Variants in PLEC observed in about 807,000 individuals in gnomAD.
PLEC encodes the protein hemidesmosomal protein 1.
Under a neutral mutation model 392.8 loss-of-function variants are expected in PLEC, and 216 were observed. That is an observed-to-expected ratio of 0.55 (90% CI 0.49 to 0.62). The LOEUF (loss-of-function observed/expected upper bound fraction) is 0.62, where lower values mean the gene tolerates loss of function less well. Ranked by LOEUF, PLEC falls within the 20% of genes least tolerant of loss-of-function variation. The pLI is 0.00. For missense variants in PLEC, 6,863 were observed against 6,563.4 expected, an observed-to-expected ratio of 1.05 and a Z score of -1.58; for synonymous variants, 3,621 against 2,980.6, an observed-to-expected ratio of 1.21 and a Z score of -7.00.
rs782306391 is a variant in PLEC, at chr8:143,924,909, G to A, written c.5020C>T (p.Arg1674Trp). The stretch of plus-strand genomic sequence containing the variant: ...TGCTCCTCCGCCTTGCCGCGCCGCC[G>A]CGCCTCGCGCTCCGCCTCCTCCTTC... ...KQKEEAEREA[R>W]RRGKAEEQAV... The change falls in exon 31 of 32, where the codon CGG becomes TGG. Residue 1674 changes from arginine to tryptophan, a missense_variant. Physicochemically the swap from Arg to Trp is moderately radical, Grantham distance 101. Coordinates refer to ENST00000345136, the MANE Select transcript of PLEC (RefSeq NM_201384.3). 35 of 1,585,946 alleles carry A rather than the reference G, an allele frequency of 2.2e-5. No individual in the cohort carries two copies. Among genetic ancestry groups the A allele is most frequent in the Admixed American group, 2.2e-4 (13 of 59,092 alleles).
In PLEC at chr8:143,925,222, C is replaced by T. The variant is rs398123398; in HGVS notation, c.4707G>A (p.Thr1569=). The change falls in exon 31 of 32, where the codon ACG becomes ACA. Residue 1569 remains threonine, a synonymous_variant. Coordinates refer to ENST00000345136, the MANE Select transcript of PLEC (RefSeq NM_201384.3). ...RARQVQVALE[T]AQRSAEAELQ... ...GCTCCGCCTCTGCACTGCGCTGCGC[C>T]GTCTCCAGGGCCACCTGTACCTGCC... 1.3e-4 allele frequency: 213 copies of T among 1,588,512 alleles called. 1 individual carries two copies. Among genetic ancestry groups the T allele is most frequent in the Non-Finnish European group, 1.2e-4 (137 of 1,175,572 alleles).
Position 143,929,164 on chromosome 8 carries a change from G to C in PLEC, c.3199C>G (p.Leu1067Val). The stretch of plus-strand genomic sequence containing the variant: ...TCCAGCTTGCCCAGCGTCAGCTCCA[G>C]CTCCGAGCGCAGCGTGGGGGCCGCA... The part of the protein sequence containing the change: ...SPAAPTLRSE[L>V]ELTLGKLEQV... The change falls in exon 25 of 32, where the codon CTG becomes GTG. Residue 1067 changes from leucine to valine, a missense_variant. By Grantham distance (32) the Leu-to-Val change is conservative (BLOSUM62 1). Coordinates refer to ENST00000345136, the MANE Select transcript of PLEC (RefSeq NM_201384.3). 1.9e-6 allele frequency: 3 copies of C among 1,594,078 alleles called. No individual in the cohort carries two copies. Among genetic ancestry groups the C allele is most frequent in the Non-Finnish European group, 2.6e-6 (3 of 1,172,200 alleles).
chr8:143,955,848 C>T (rs756108688), upstream of PLEC, among the ~76,000 whole-genome samples: 36 of 152,124 alleles, frequency 2.4e-4, no homozygotes, highest in Non-Finnish European at 4.3e-4. Context: ...AATCCTCCCA[C>T]CTCCCAGTGC....
Position 143,924,917 on chromosome 8 carries a change from C to A in PLEC, c.5012G>T (p.Arg1671Leu). Reference sequence around the variant, plus strand: ...CGCCTTGCCGCGCCGCCGCGCCTCGCGCTCCGCCTCCTCCTTCTGCTTCTC... The same window carrying A: ...CGCCTTGCCGCGCCGCCGCGCCTCGAGCTCCGCCTCCTCCTTCTGCTTCTC... ...EAEKQKEEAE[R>L]EARRRGKAEE... Residue 1671 changes from arginine to leucine, a missense_variant, in exon 31 of 32, where the codon CGC becomes CTC. Arg to Leu is a moderately radical substitution (Grantham distance 102, BLOSUM62 -2). Transcript: ENST00000345136. 1 of 1,585,068 alleles carries A rather than the reference C, an allele frequency of 6.3e-7. No homozygotes were observed. The highest frequency in any genetic ancestry group is 8.5e-7 in the Non-Finnish European group (1 of 1,173,532).
In PLEC at chr8:143,921,076, G is replaced by A; in HGVS notation, c.8745C>T (p.Gly2915=). 1.2e-6 allele frequency: 2 copies of A among 1,611,798 alleles called. No homozygotes were observed. The highest frequency in any genetic ancestry group is 1.7e-6 in the Non-Finnish European group (2 of 1,180,028). The change falls in exon 32 of 32, where the codon GGC becomes GGT. Residue 2915 remains glycine, a synonymous_variant. Transcript: ENST00000345136. ...FEKATVSAPF[G]KFQGKTVTIW... is the part of the protein sequence containing the mutation. ...TGGTCACCGTCTTGCCCTGGAACTTGCCGAACGGCGCAGACACGGTGGCCT... is the reference window on the plus strand; with the variant it reads ...TGGTCACCGTCTTGCCCTGGAACTTACCGAACGGCGCAGACACGGTGGCCT...
Position 143,935,080 on chromosome 8 carries a change from G to C in PLEC, c.756C>G (p.Ile252Met). ...CGTCATACAGCGACGAGACGTAGGT[G>C]ATGATGGACTTCTCGTCGGGCTGAG... Reference protein sequence around the residue: ...DVPQPDEKSIITYVSSLYDAM... With the variant: ...DVPQPDEKSIMTYVSSLYDAM... Residue 252 changes from isoleucine (I) to methionine (M), a missense_variant, in exon 8 of 32, where the codon ATC becomes ATG. Ile to Met is a conservative substitution (Grantham distance 10). Transcript: ENST00000345136. 1 of 1,612,996 alleles carries C rather than the reference G, an allele frequency of 6.2e-7. No individual in the cohort carries two copies. Among genetic ancestry groups the C allele is most frequent in the Non-Finnish European group, 8.5e-7 (1 of 1,179,966 alleles).
intron 2 of PLEC, 111 bp from the exon 3 acceptor site, chr8:143,938,351 G>T: frequency 6.5e-7 from 1 of 1,536,084 alleles, no homozygotes; most frequent in South Asian, 1.2e-5. Flanking sequence ...GGCGGGGGCT[G>T]AGTCTCCCGG....
chr8:143,962,241 A>G (rs1331140103), intron 1 of PLEC, among the ~76,000 whole-genome samples: 1 of 152,196 alleles, frequency 6.6e-6, no homozygotes, highest in African/African-American at 2.4e-5. Context: ...AGACGAGGAG[A>G]GACACAGAGG....
Position 143,939,389 on chromosome 8 carries a change from G to C in PLEC, c.73C>G (p.Leu25Val). The C allele has an allele frequency of 6.2e-7, 1 of 1,612,804 alleles. No homozygotes were observed. The change falls in exon 1 of 32, where the codon CTG becomes GTG. Residue 25 changes from leucine (L) to valine (V), a missense_variant. By Grantham distance (32) the Leu-to-Val change is conservative (BLOSUM62 1). Transcript: ENST00000345136. ...GRKRTSSEDN[L>V]YLAVLRASEG... The stretch of plus-strand genomic sequence containing the variant: ...GAGGCCCTGAGCACAGCCAGGTACA[G>C]GTTGTCCTCCGAGCTGGTTCTCTTT...
At chr8:143,926,930 C>G (rs1825400903) in intron 29 of PLEC, 47 bp downstream of exon 29, 1 of 1,606,156 alleles carries the variant, frequency 6.2e-7, no homozygotes. Context: ...CAGCTCCAGC[C>G]AGAGGCCTGC....
At position 143,921,771 on chromosome 8, in the gene PLEC, G is replaced by T. The variant is rs35723243; in HGVS notation, c.8050C>A (p.Arg2684=). ...AGGTAGTGGCGCACGTCTTCCCGCCGTGCGAGCTCGTCCACCGTGGTGTGG... is the reference window on the plus strand; with the variant it reads ...AGGTAGTGGCGCACGTCTTCCCGCCTTGCGAGCTCGTCCACCGTGGTGTGG... ...QGHTTVDELA[R]REDVRHYLQG... The change falls in exon 32 of 32, where the codon CGG becomes AGG. Residue 2684 remains arginine (R), a synonymous_variant. Transcript: ENST00000345136. 2.5e-6 allele frequency: 4 copies of T among 1,611,776 alleles called. No homozygotes were observed. Among genetic ancestry groups the T allele is most frequent in the African/African-American group, 2.7e-5 (2 of 75,056 alleles).
chr8:143,923,792 C>A lies in PLEC; in HGVS notation c.6137G>T (p.Arg2046Leu), dbSNP rs368319141. The change falls in exon 31 of 32, where the codon CGG (arginine) becomes CTG (leucine). Residue 2046 changes from arginine to leucine, a missense_variant. Physicochemically the swap from Arg to Leu is moderately radical, Grantham distance 102. Coordinates refer to ENST00000345136, the MANE Select transcript of PLEC (RefSeq NM_201384.3). ...LQLAQEAAQK[R>L]LQAEEKAHAF... ...GTGTGCCTTCTCTTCCGCCTGCAGCCGCTTCTGGGCGGCCTCCTGGGCCAG... is the reference window on the plus strand; with the variant it reads ...GTGTGCCTTCTCTTCCGCCTGCAGCAGCTTCTGGGCGGCCTCCTGGGCCAG... 251 of 1,577,320 alleles carry A rather than the reference C, an allele frequency of 1.6e-4. No homozygotes were observed. Among genetic ancestry groups the A allele is most frequent in the Non-Finnish European group, 2.1e-4 (247 of 1,169,756 alleles).
Position 143,921,472 on chromosome 8 carries a change from G to C in PLEC, c.8349C>G (p.Gly2783=), listed in dbSNP as rs1162812277. ...TGGCTTGGAAGAGAGAGATCTGCTG[G>C]CCAGTGTAGGGGTCCTTGTAGCCAG... is the stretch of plus-strand genomic sequence containing the variant. ...AVTGYKDPYT[G]QQISLFQAMQ... is the part of the protein sequence containing the mutation. The change falls in exon 32 of 32, where the codon GGC becomes GGG. Residue 2783 remains glycine, a synonymous_variant. Transcript: ENST00000345136. 2.5e-6 allele frequency: 4 copies of C among 1,613,056 alleles called. No homozygotes were observed. The highest frequency in any genetic ancestry group is 1.1e-5 in the South Asian group (1 of 91,066).
At chr8:143,939,051 C>A (rs190906607) in intron 1 of PLEC, among the ~76,000 whole-genome samples, 6 of 152,304 alleles carry the variant, frequency 3.9e-5, no homozygotes, top group Admixed American at 3.3e-4. Context: ...GAGCCAGGGC[C>A]CGGGCCCGCT....
At chr8:143,942,426 G>A, upstream of PLEC, 1 of 1,605,540 alleles carries the variant, frequency 6.2e-7, no homozygotes, top group East Asian at 2.2e-5. Context: ...GGTAGCCCCT[G>A]CGGGCCGGCT....
At chr8:143,949,167 C>G (rs1201996474) in intron 1 of PLEC, among the ~76,000 whole-genome samples, 1 of 152,234 alleles carries the variant, frequency 6.6e-6, no homozygotes, top group African/African-American at 2.4e-5. Flanking sequence ...CAGCTGCGCC[C>G]TAAACTTGGG....
Position 143,921,651 on chromosome 8 carries a change from C to G in PLEC, c.8170G>C (p.Gly2724Arg). 8 of 1,613,020 alleles carry G rather than the reference C, an allele frequency of 5.0e-6. No homozygotes were observed. The highest frequency in any genetic ancestry group is 6.8e-6 in the Non-Finnish European group (8 of 1,179,908). ...AALQRQLLSPGTALILLEAQA... is the reference protein window; with the variant it reads ...AALQRQLLSPRTALILLEAQA... ...GCCTCCAGCAGGATGAGGGCCGTGC[C>G]GGGACTCAGCAGCTGCCTCTGCAGG... Residue 2724 changes from glycine to arginine, a missense_variant, in exon 32 of 32, where the codon GGC (glycine) becomes CGC (arginine). Coordinates refer to ENST00000345136, the MANE Select transcript of PLEC (RefSeq NM_201384.3).
upstream of PLEC, among the ~76,000 whole-genome samples, chr8:143,976,439 C>T (rs1167134943): frequency 6.6e-6 from 1 of 152,082 alleles, no homozygotes; most frequent in East Asian, 1.9e-4. Context: ...CTCCACGGGC[C>T]GCCCCGGTTG....
At chr8:143,949,798 G>T (rs1265762250) in intron 1 of PLEC, among the ~76,000 whole-genome samples, 1 of 152,190 alleles carries the variant, frequency 6.6e-6, no homozygotes, top group Non-Finnish European at 1.5e-5. Flanking sequence ...ACACCCAACC[G>T]GCGCCAGCAC....
Sources: allele counts gnomAD v4.1 joint callset (sites outside exome capture counted in the v4.1 genomes callset), GRCh38; gene constraint gnomAD v4.1.1; transcripts MANE v1.5; gene names NCBI Gene and HGNC (gene_info 2026-07-23, HGNC 2026-07-21).